AZIN2: variants seen among roughly 807,000 people sequenced by gnomAD.
AZIN2 encodes the protein antizyme inhibitor 2.
AZIN2 carries 28 observed loss-of-function variants against 47.8 expected under a neutral mutation model. The ratio of observed to expected loss-of-function variants is 0.59; its 90% confidence interval spans 0.43 to 0.80. The LOEUF is 0.80. Among genes scored for constraint, AZIN2 ranks in the 30% least tolerant of loss-of-function variants. The pLI is 0.00. For missense variants in AZIN2, 535 were observed against 582.5 expected (o/e 0.92, Z 0.84); for synonymous variants, 221 against 239.4 (o/e 0.92, Z 0.71).
At chr1:33,147,729 T>C in the AZIN2 span, 1 of 1,607,136 alleles carries the variant, frequency 6.2e-7, no homozygotes, top group Non-Finnish European at 8.5e-7. This position sits in a 1 kb window ranked among gnomAD's most constrained non-coding sequence, Gnocchi z 8.1. Context: ...CGGCTGGCAC[T>C]GTGGGGGTTG....
At chr1:33,098,759 T>A (rs1358430676) in intron 10 of AZIN2, among the ~76,000 whole-genome samples, 4 of 151,704 alleles carry the variant, frequency 2.6e-5, no homozygotes, top group Non-Finnish European at 5.9e-5. Context: ...TGTCTTCCTA[T>A]CTCTCTCTCT....
the AZIN2 span, among the ~76,000 whole-genome samples, chr1:33,137,275 C>T: frequency 2.1e-3 from 313 of 152,212 alleles, no homozygotes; most frequent in African/African-American, 7.3e-3. Flanking sequence ...AGCTCTGCCA[C>T]GTAAGCAGAA....
At chr1:33,102,488 C>A (rs1274435388) in intron 10 of AZIN2, among the ~76,000 whole-genome samples, 1 of 152,158 alleles carries the variant, frequency 6.6e-6, no homozygotes, top group African/African-American at 2.4e-5. Flanking sequence ...GCTAGCTCTT[C>A]CATATGGCTC....
In AZIN2 at chr1:33,081,942, A is replaced by G. The variant is rs1641306845; in HGVS notation, c.-73+130A>G. ...AGAACTGGGAAGGCTCTCCAAAACA[A>G]TTCATCCATTTTACAGAGGGAGCAA... On this transcript the variant is annotated intron_variant, in intron 3 of 11. Transcript: ENST00000294517. This position sits in a 1 kb window ranked among gnomAD's most constrained non-coding sequence, Gnocchi z 4.2. The G allele has an allele frequency of 2.7e-6, 1 of 369,782 alleles. No homozygotes were observed. Among genetic ancestry groups the G allele is most frequent in the Non-Finnish European group, 5.1e-6 (1 of 194,986 alleles). 22.9% of individuals were successfully genotyped at this position (369,782 alleles called of 1,614,324 possible). A position where few individuals can be genotyped will look rare whatever the true frequency, so the allele number is the denominator to read the frequency against.
At chr1:33,119,918 C>T in intron 11 of AZIN2, 126 bp from the exon 12 acceptor site, 1 of 1,351,982 alleles carries the variant, frequency 7.4e-7, no homozygotes, top group Non-Finnish European at 1.0e-6. Context: ...CAGCCTGTCC[C>T]TGCCCCTGCC....
intron 6 of AZIN2, among the ~76,000 whole-genome samples, chr1:33,092,953 G>T (rs560956882): frequency 6.6e-6 from 1 of 152,316 alleles, no homozygotes; most frequent in East Asian, 1.9e-4. Flanking sequence ...TCTCCTTAAG[G>T]CTTTGTTTAA....
intron 5 of AZIN2, 37 bp downstream of exon 5, chr1:33,084,164 C>T: frequency 2.5e-6 from 4 of 1,599,906 alleles, no homozygotes; most frequent in Non-Finnish European, 3.4e-6. Flanking sequence ...ACCCTCCATG[C>T]CCACTGAACA....
At chr1:33,137,034 G>T in the AZIN2 span, among the ~76,000 whole-genome samples, 1 of 151,924 alleles carries the variant, frequency 6.6e-6, no homozygotes, top group Non-Finnish European at 1.5e-5. Flanking sequence ...GCCAGTGCTT[G>T]TTGGGAGTGG....
At chr1:33,115,580 T>A (rs1298266750) in intron 10 of AZIN2, among the ~76,000 whole-genome samples, 3 of 146,186 alleles carry the variant, frequency 2.1e-5, no homozygotes, top group African/African-American at 7.7e-5. Context: ...GGCCGGCACC[T>A]GTAATCTCAG....
intron 10 of AZIN2, among the ~76,000 whole-genome samples, chr1:33,115,679 G>A (rs924661318): frequency 3.9e-5 from 6 of 152,130 alleles, no homozygotes; most frequent in Admixed American, 3.3e-4. Context: ...CTCCAGCCTC[G>A]ATGACAGAGT....
the AZIN2 span, among the ~76,000 whole-genome samples, chr1:33,130,832 C>T: frequency 1.3e-5 from 2 of 152,122 alleles, no homozygotes; most frequent in Non-Finnish European, 2.9e-5. Context: ...ATAATGAGAA[C>T]CTGAATTGTG....
intron 9 of AZIN2, among the ~76,000 whole-genome samples, chr1:33,097,717 G>A (rs1643306570): frequency 6.6e-6 from 1 of 152,154 alleles, no homozygotes; most frequent in Admixed American, 6.5e-5. Flanking sequence ...TCTCATTCTG[G>A]CTCATCCACT....
chr1:33,152,812 C>A, the AZIN2 span, among the ~76,000 whole-genome samples: 1 of 151,770 alleles, frequency 6.6e-6, no homozygotes, highest in Non-Finnish European at 1.5e-5. Flanking sequence ...AGGAATGTGC[C>A]GGGACTCAAA....
At chr1:33,112,069 G>A (rs144398751) in intron 10 of AZIN2, among the ~76,000 whole-genome samples, 15 of 152,248 alleles carry the variant, frequency 9.9e-5, no homozygotes, top group African/African-American at 3.6e-4. Context: ...AAGTGAAAAC[G>A]AGATACCATT....
intron 9 of AZIN2, among the ~76,000 whole-genome samples, chr1:33,097,480 G>A (rs970292208): frequency 1.3e-5 from 2 of 152,182 alleles, no homozygotes; most frequent in African/African-American, 4.8e-5. Context: ...GTCAGGGATA[G>A]CAGCCTGTGA....
chr1:33,137,460 G>T, the AZIN2 span, among the ~76,000 whole-genome samples: 1 of 152,162 alleles, frequency 6.6e-6, no homozygotes, highest in African/African-American at 2.4e-5. Flanking sequence ...ATCATGAGGC[G>T]TACAGGGACT....
chr1:33,165,636 G>T, the AZIN2 span: 1 of 1,363,602 alleles, frequency 7.3e-7, no homozygotes, highest in Non-Finnish European at 9.9e-7. This position sits in a 1 kb window ranked among gnomAD's most constrained non-coding sequence, Gnocchi z 4.0. Context: ...CCTGACCACT[G>T]CCAGGCGCTG....
the AZIN2 span, among the ~76,000 whole-genome samples, chr1:33,138,163 A>G: frequency 2.0e-5 from 3 of 152,108 alleles, no homozygotes; most frequent in African/African-American, 7.2e-5. Flanking sequence ...CTGGAGCAAG[A>G]GCGTTCTGGG....
chr1:33,133,508 G>A, the AZIN2 span, among the ~76,000 whole-genome samples: 4 of 152,324 alleles, frequency 2.6e-5, no homozygotes, highest in South Asian at 2.1e-4. Context: ...TGGGACCACC[G>A]GCGGCACGTT....
Sources: gnomAD v4.1 joint callset for allele counts (sites outside exome capture counted in the v4.1 genomes callset) on GRCh38, gnomAD v4.1.1 for gene constraint, Gnocchi (gnomAD v3.1) non-coding constraint, MANE v1.5 for transcripts, NCBI Gene and HGNC (gene_info 2026-07-23, HGNC 2026-07-21) for gene names.